GRID1: variants seen among roughly 807,000 people sequenced by gnomAD.
GRID1 encodes glutamate ionotropic receptor delta type subunit 1.
Under a neutral mutation model 98.0 loss-of-function variants are expected in GRID1, and 28 were observed. That is an observed-to-expected ratio of 0.29 (90% CI 0.21 to 0.39). The LOEUF is 0.39. Ranked by LOEUF, GRID1 falls within the 10% of genes least tolerant of loss-of-function variation. The probability of loss-of-function intolerance (pLI) is 1.00; values close to 1 mark genes in which losing one functional copy is unlikely to be tolerated. For synonymous variants in GRID1, 553 were observed against 538.5 expected, an observed-to-expected ratio of 1.03 and a Z score of -0.37; for missense variants, 1,111 against 1,340.5, an observed-to-expected ratio of 0.83 and a Z score of 2.67.
intron 11 of GRID1, among the ~76,000 whole-genome samples, chr10:85,724,147 G>A (rs528274563): frequency 1.8e-4 from 28 of 152,198 alleles, no homozygotes; most frequent in Non-Finnish European, 4.0e-4. Context: ...AGGAATTGAA[G>A]TTGAGCTCCT....
Position 86,098,455 on chromosome 10 carries a change from T to C in GRID1, c.726+40364A>G, listed in dbSNP as rs113902067. Among the ~76,000 whole-genome samples, 183 of 152,350 alleles carry C rather than the reference T, an allele frequency of 1.2e-3. 1 individual carries two copies. Among genetic ancestry groups the C allele is most frequent in the African/African-American group, 3.8e-3 (160 of 41,594 alleles). ...CATTGCCTTAACCACACCCCTAACA[T>C]TGGCTCCTTAGATTATCACCCATTT... On this transcript the variant is annotated intron_variant, in intron 4 of 15. Transcript: ENST00000327946.
chr10:86,110,893 T>C (rs1413140130), intron 4 of GRID1, among the ~76,000 whole-genome samples: 1 of 152,256 alleles, frequency 6.6e-6, no homozygotes, highest in Non-Finnish European at 1.5e-5. Context: ...GCCTCCTCTA[T>C]GCCAGGCACA....
At chr10:86,337,344 C>G (rs1306767988) in intron 2 of GRID1, among the ~76,000 whole-genome samples, 7 of 152,182 alleles carry the variant, frequency 4.6e-5, no homozygotes, top group Admixed American at 4.6e-4. Flanking sequence ...AGCTGGGAGG[C>G]TTTGATCCTT....
rs533347556 is a variant in GRID1 at position 86,264,415 on chromosome 10, C to T, written c.236-57767G>A. ...CTGCCCCATAGGCTGGAGACTACCC[C>T]AGAGGGAGGAATCCCACCACCACTC... is the stretch of plus-strand genomic sequence containing the variant. On this transcript the variant is annotated intron_variant, in intron 2 of 15. Transcript: ENST00000327946. Among the ~76,000 whole-genome samples, 11 of 152,332 alleles carry T rather than the reference C, an allele frequency of 7.2e-5. 1 individual carries two copies. In the East Asian group the frequency reaches 2.1e-3, roughly 29 times the overall value.
intron 8 of GRID1, among the ~76,000 whole-genome samples, chr10:85,769,818 A>C (rs1842238513): frequency 6.6e-6 from 1 of 152,254 alleles, no homozygotes; most frequent in Non-Finnish European, 1.5e-5. Flanking sequence ...ACAAAGCAGC[A>C]GGGAAGCTCC....
At chr10:85,909,904 C>T (rs183468715) in intron 5 of GRID1, among the ~76,000 whole-genome samples, 1 of 152,170 alleles carries the variant, frequency 6.6e-6, no homozygotes, top group Admixed American at 6.5e-5. Flanking sequence ...GTATGTATTG[C>T]ATGTCAATTA....
intron 13 of GRID1, among the ~76,000 whole-genome samples, chr10:85,625,004 T>C (rs2132527914): frequency 6.6e-6 from 1 of 152,296 alleles, no homozygotes; most frequent in South Asian, 2.1e-4. Flanking sequence ...TATATATTTA[T>C]ATATAGACAT....
At chr10:86,317,697 G>A (rs1448498410) in intron 2 of GRID1, among the ~76,000 whole-genome samples, 3 of 152,066 alleles carry the variant, frequency 2.0e-5, no homozygotes, top group African/African-American at 7.2e-5. Flanking sequence ...TAAAGAGCAG[G>A]AGGTCAAGGG....
At chr10:85,883,782 G>T (rs912652380) in intron 5 of GRID1, among the ~76,000 whole-genome samples, 1 of 152,130 alleles carries the variant, frequency 6.6e-6, no homozygotes, top group Non-Finnish European at 1.5e-5. Context: ...ACCGTAAATA[G>T]TGGAAACTGG....
At chr10:85,648,869 A>G (rs1427241742) in intron 12 of GRID1, among the ~76,000 whole-genome samples, 2 of 152,202 alleles carry the variant, frequency 1.3e-5, no homozygotes, top group Non-Finnish European at 2.9e-5. Flanking sequence ...TCAGAGGGCC[A>G]TGTGCCAGAG....
chr10:85,976,751 T>A (rs1046063326), intron 4 of GRID1, among the ~76,000 whole-genome samples: 1 of 152,232 alleles, frequency 6.6e-6, no homozygotes, highest in African/African-American at 2.4e-5. Flanking sequence ...CTGAACAGGC[T>A]TACCTGTTTC....
intron 2 of GRID1, among the ~76,000 whole-genome samples, chr10:86,298,331 T>C (rs1295273075): frequency 6.6e-6 from 1 of 152,210 alleles, no homozygotes; most frequent in African/African-American, 2.4e-5. Context: ...GACCAAGGAC[T>C]GGAAGGGAAT....
At chr10:86,238,420 G>T (rs1243750364) in intron 2 of GRID1, among the ~76,000 whole-genome samples, 1 of 152,192 alleles carries the variant, frequency 6.6e-6, no homozygotes, top group Non-Finnish European at 1.5e-5. Context: ...TCAGCACTTT[G>T]GGAGGCTGAG....
At chr10:86,062,314 G>T (rs987981212) in intron 4 of GRID1, among the ~76,000 whole-genome samples, 2 of 151,984 alleles carry the variant, frequency 1.3e-5, no homozygotes, top group Non-Finnish European at 2.9e-5. Context: ...TGAGGGTGAG[G>T]GTATGATGGC....
At chr10:85,973,286 C>A (rs1842430789) in intron 4 of GRID1, among the ~76,000 whole-genome samples, 1 of 151,838 alleles carries the variant, frequency 6.6e-6, no homozygotes, top group African/African-American at 2.4e-5. Context: ...TACATTGGAT[C>A]TATTTACTTT....
At chr10:85,833,495 G>A (rs567730321) in intron 8 of GRID1, among the ~76,000 whole-genome samples, 1 of 149,688 alleles carries the variant, frequency 6.7e-6, no homozygotes, top group South Asian at 2.1e-4. Context: ...AGACATGTGT[G>A]CTAAAACTAA....
intron 6 of GRID1, among the ~76,000 whole-genome samples, chr10:85,867,704 C>T (rs1024552960): frequency 5.9e-5 from 9 of 152,200 alleles, no homozygotes; most frequent in South Asian, 4.1e-4. Context: ...ATGAGTGATG[C>T]GGGGGCCTTG....
chr10:85,604,852 T>A (rs546168123), intron 15 of GRID1, among the ~76,000 whole-genome samples: 2 of 152,324 alleles, frequency 1.3e-5, no homozygotes, highest in East Asian at 3.9e-4. Flanking sequence ...CCACTCAGCA[T>A]CAATGATCTT....
At position 86,366,744 on chromosome 10, in the gene GRID1, G is replaced by A. The variant is rs1339772459; in HGVS notation, c.-352C>T. On this transcript the variant is annotated 5_prime_UTR_variant, in exon 1 of 16. Transcript: ENST00000327946. This position sits in a 1 kb window ranked among gnomAD's most constrained non-coding sequence, Gnocchi z 4.1. The stretch of plus-strand genomic sequence containing the variant: ...GGCGGTGGCGGCGGCGGCCGGGCCG[G>A]CGTGGCGGCTCTGGGCTGGCTGTGT... Among the ~76,000 whole-genome samples, 1 of 150,350 alleles carries A rather than the reference G, an allele frequency of 6.7e-6. No individual in the cohort carries two copies. The highest frequency in any genetic ancestry group is 1.9e-4 in the East Asian group (1 of 5,150).
Sources: allele counts gnomAD v4.1 joint callset (sites outside exome capture counted in the v4.1 genomes callset), GRCh38; gene constraint gnomAD v4.1.1; non-coding constraint Gnocchi (gnomAD v3.1); transcripts MANE v1.5; gene names NCBI Gene and HGNC (gene_info 2026-07-23, HGNC 2026-07-21).